Variants in CTCF observed in about 807,000 individuals in gnomAD.
The protein encoded by CTCF is CCCTC-binding factor.
In CTCF, 7 loss-of-function variants were observed where a neutral mutation model predicts 72.3. That is an observed-to-expected ratio of 0.10 (90% confidence interval 0.06 to 0.18). CTCF has a LOEUF of 0.18. CTCF is among the 10% of genes least tolerant of loss of function. CTCF has a pLI of 1.00. For missense variants in CTCF, 516 were observed against 949.1 expected (o/e 0.54, Z 6.00); for synonymous variants, 374 against 315.8 (o/e 1.18, Z -1.95).
intron 2 of CTCF, among the ~76,000 whole-genome samples, chr16:67,592,541 A>G (rs2051758998): frequency 6.6e-6 from 1 of 152,066 alleles, no homozygotes; most frequent in Non-Finnish European, 1.5e-5. Flanking sequence ...CCCTGTCTCT[A>G]CTAAAAATAT....
At chr16:67,628,904 C>CA (rs1327010838) in intron 9 of CTCF, among the ~76,000 whole-genome samples, 3 of 152,046 alleles carry the variant, frequency 2.0e-5, no homozygotes, top group Non-Finnish European at 4.4e-5. Context: ...ACTAAAAATA[C>CA]AAAAAATTAG....
At chr16:67,581,180 G>A (rs1292547931) in intron 2 of CTCF, among the ~76,000 whole-genome samples, 2 of 151,988 alleles carry the variant, frequency 1.3e-5, no homozygotes, top group East Asian at 1.9e-4. Flanking sequence ...CACCTGCCTC[G>A]GCCTCCCAGA....
At chr16:67,562,913 C>T (rs1023249246) in intron 1 of CTCF, among the ~76,000 whole-genome samples, 189 bp downstream of exon 1, 1 of 132,338 alleles carries the variant, frequency 7.6e-6, no homozygotes, top group African/African-American at 3.1e-5. Context: ...GCCGCCCCCC[C>T]CACCCCCACG....
intron 2 of CTCF, among the ~76,000 whole-genome samples, chr16:67,601,279 G>A (rs1389531774): frequency 7.0e-6 from 1 of 142,972 alleles, no homozygotes; most frequent in African/African-American, 2.6e-5. Context: ...TTAAGACAGA[G>A]TCTCACTCTG....
intron 2 of CTCF, among the ~76,000 whole-genome samples, chr16:67,606,753 T>TG (rs1321851173): frequency 2.0e-5 from 3 of 147,854 alleles, no homozygotes; most frequent in East Asian, 4.0e-4. Flanking sequence ...TGTTTTGTTT[T>TG]GGGTTTTTTT....
chr16:67,610,789 C>T, intron 2 of CTCF, 35 bp from the exon 3 acceptor site: 1 of 1,369,720 alleles, frequency 7.3e-7, no homozygotes. Context: ...ACATGCTTTG[C>T]TTTAAATAAC....
intron 10 of CTCF, among the ~76,000 whole-genome samples, chr16:67,630,050 A>C (rs1333266299): frequency 6.6e-6 from 1 of 151,866 alleles, no homozygotes; most frequent in Non-Finnish European, 1.5e-5. Flanking sequence ...TGCTGGGATT[A>C]CAGGTGTGAG....
At chr16:67,631,411 C>T (rs1254279830) in intron 10 of CTCF, among the ~76,000 whole-genome samples, 3 of 151,890 alleles carry the variant, frequency 2.0e-5, no homozygotes, top group Admixed American at 6.6e-5. Flanking sequence ...GTGATCCATC[C>T]GCCTCGGCCT....
At chr16:67,606,881 C>G (rs1292977366) in intron 2 of CTCF, among the ~76,000 whole-genome samples, 1 of 151,610 alleles carries the variant, frequency 6.6e-6, no homozygotes, top group Non-Finnish European at 1.5e-5. Flanking sequence ...TCGAGCCTCA[C>G]TCAGCCTTCC....
intron 5 of CTCF, among the ~76,000 whole-genome samples, chr16:67,617,097 C>T (rs1567611080): frequency 6.6e-6 from 1 of 152,168 alleles, no homozygotes; most frequent in Non-Finnish European, 1.5e-5. Context: ...TGCGGTGGCT[C>T]ACGCCTATAA....
chr16:67,602,528 G>A lies in CTCF; in HGVS notation c.-9-8296G>A, dbSNP rs78239283. ...TAACTTTTGGGGCTTTTCAGGGACT[G>A]AAAAACTTCTCTTAAAAAGTTTTTT... On this transcript the variant is annotated intron_variant, in intron 2 of 11. Coordinates refer to ENST00000264010, the MANE Select transcript of CTCF (RefSeq NM_006565.4). 9.4e-3 allele frequency among the ~76,000 whole-genome samples: 1,429 copies of A among 152,202 alleles called. 18 individuals carry two copies. Among genetic ancestry groups the A allele is most frequent in the Non-Finnish European group, 0.012 (831 of 68,014 alleles).
chr16:67,601,817 T>G (rs2051895666), intron 2 of CTCF, among the ~76,000 whole-genome samples: 1 of 152,024 alleles, frequency 6.6e-6, no homozygotes, highest in Non-Finnish European at 1.5e-5. Context: ...CTACCTGGTT[T>G]ATAATTCTGT....
At chr16:67,617,847 C>T (rs1352276099) in intron 5 of CTCF, among the ~76,000 whole-genome samples, 3 of 152,086 alleles carry the variant, frequency 2.0e-5, no homozygotes, top group Non-Finnish European at 4.4e-5. Context: ...GAAAACTTAC[C>T]CTCAGAGAGA....
intron 7 of CTCF, 81 bp from the exon 8 acceptor site, chr16:67,626,474 G>C: frequency 4.4e-6 from 2 of 449,712 alleles, no homozygotes; most frequent in Non-Finnish European, 6.8e-6. Context: ...AAAAAAAAAA[G>C]AATCGAGAAA....
intron 7 of CTCF, among the ~76,000 whole-genome samples, chr16:67,622,641 C>CTTT (rs555584618): frequency 2.3e-5 from 3 of 130,920 alleles, no homozygotes; most frequent in African/African-American, 5.7e-5. Flanking sequence ...CCTACTCTTA[C>CTTT]TTTTTTTTTT....
intron 2 of CTCF, among the ~76,000 whole-genome samples, chr16:67,580,678 C>T (rs1409589899): frequency 6.6e-6 from 1 of 151,730 alleles, no homozygotes; most frequent in Admixed American, 6.6e-5. Context: ...TCTCCTGCCT[C>T]GGCCTCCAGA....
At chr16:67,624,187 A>G (rs2052250741) in intron 7 of CTCF, among the ~76,000 whole-genome samples, 1 of 146,420 alleles carries the variant, frequency 6.8e-6, no homozygotes, top group Non-Finnish European at 1.5e-5. Flanking sequence ...ATATATATGT[A>G]TTTTTATATA....
Position 67,629,387 on chromosome 16 carries a change from C to G in CTCF, c.1702-11C>G. On this transcript the variant is annotated splice_polypyrimidine_tract_variant and intron_variant, in intron 9 of 11. Coordinates refer to ENST00000264010, the MANE Select transcript of CTCF (RefSeq NM_006565.4). ...TAGTGGTGTGAAAGAGGATTTTGTTCTTTTTGTTAGAATACCATGGCAAGA... is the reference window on the plus strand; with the variant it reads ...TAGTGGTGTGAAAGAGGATTTTGTTGTTTTTGTTAGAATACCATGGCAAGA... 6.3e-7 allele frequency: 1 copy of G among 1,590,686 alleles called. No homozygotes were observed.
Position 67,629,531 on chromosome 16 carries a change from G to T in CTCF, c.1835G>T (p.Ser612Ile), listed in dbSNP as rs1332450944. The stretch of plus-strand genomic sequence containing the variant: ...TCTAAGAAAGAAGATTCCTCTGACA[G>T]TGGTAAGTGACTTGTTCCTTGATTT... ...MRSKKEDSSDSENAEPDLDDN... is the reference protein window; with the variant it reads ...MRSKKEDSSDIENAEPDLDDN... The change falls in exon 10 of 12, where the codon AGT (serine) becomes ATT (isoleucine). Residue 612 changes from serine to isoleucine, a missense_variant and splice_region_variant. Around this residue, in one of 7 missense-constraint regions of CTCF, gnomAD observed 157 missense variants for 172.9 expected, o/e 0.91. Coordinates refer to ENST00000264010, the MANE Select transcript of CTCF (RefSeq NM_006565.4). 1 of 1,613,048 alleles carries T rather than the reference G, an allele frequency of 6.2e-7. No homozygotes were observed. The highest frequency in any genetic ancestry group is 2.2e-5 in the East Asian group (1 of 44,846).
Sources: gnomAD v4.1 joint callset for allele counts (sites outside exome capture counted in the v4.1 genomes callset) on GRCh38, gnomAD v4.1.1 for gene constraint, gnomAD v4.1.1 regional missense constraint, MANE v1.5 for transcripts, NCBI Gene and HGNC (gene_info 2026-07-23, HGNC 2026-07-21) for gene names.